CSMD1: variants seen among roughly 807,000 people sequenced by gnomAD.
The protein encoded by CSMD1 is CUB and Sushi multiple domains 1.
Under a neutral mutation model 417.5 loss-of-function variants are expected in CSMD1, and 213 were observed. That is an observed-to-expected ratio of 0.51 (90% CI 0.46 to 0.57). CSMD1 has a LOEUF of 0.57. Ranked by LOEUF, CSMD1 falls within the 20% of genes least tolerant of loss-of-function variation. The pLI is 0.00. For missense variants in CSMD1, 6,923 were observed against 4,529.7 expected, an observed-to-expected ratio of 1.53 and a Z score of -15.17; for synonymous variants, 2,862 against 1,736.8, an observed-to-expected ratio of 1.65 and a Z score of -16.11.
rs574439632 is a variant in CSMD1 at position 4,774,756 on chromosome 8, C to A, written c.86-137198G>T. On this transcript the variant is annotated intron_variant, in intron 1 of 69. Coordinates refer to ENST00000635120, the MANE Select transcript of CSMD1 (RefSeq NM_033225.6). ...GTTGCTATTCTCATAACAGACTTCC[C>A]AGGAGACCTTGTTGTTTAAAAGCCT... 3.3e-5 allele frequency among the ~76,000 whole-genome samples: 5 copies of A among 152,220 alleles called. No individual in the cohort carries two copies. The South Asian group carries it at 1.0e-3, about 32-fold the overall frequency.
intron 3 of CSMD1, among the ~76,000 whole-genome samples, chr8:4,083,800 A>G (rs551007988): frequency 3.3e-5 from 5 of 152,214 alleles, no homozygotes; most frequent in Non-Finnish European, 7.4e-5. Flanking sequence ...TCATGTCTAT[A>G]ACACCAAAAG....
chr8:3,995,335 C>G (rs554756064), intron 5 of CSMD1, among the ~76,000 whole-genome samples: 2 of 152,142 alleles, frequency 1.3e-5, no homozygotes, highest in Non-Finnish European at 2.9e-5. Flanking sequence ...TGTTAAGATA[C>G]TTCTTTTGAC....
chr8:3,470,847 A>G (rs765562667), intron 11 of CSMD1, among the ~76,000 whole-genome samples: 2 of 152,204 alleles, frequency 1.3e-5, no homozygotes, highest in African/African-American at 4.8e-5. Flanking sequence ...TGTTTATACC[A>G]ATAGTTTGTT....
At chr8:4,439,734 G>A (rs1048527761) in intron 2 of CSMD1, among the ~76,000 whole-genome samples, 4 of 152,110 alleles carry the variant, frequency 2.6e-5, no homozygotes, top group Non-Finnish European at 4.4e-5. Flanking sequence ...AGTAAATAGA[G>A]AACATAAATC....
At chr8:3,114,119 C>G (rs1042699368) in intron 42 of CSMD1, among the ~76,000 whole-genome samples, 29 of 152,222 alleles carry the variant, frequency 1.9e-4, no homozygotes, top group African/African-American at 5.1e-4. Flanking sequence ...GAGCACATGC[C>G]TGTGGTCCTA....
intron 41 of CSMD1, among the ~76,000 whole-genome samples, 197 bp from the exon 42 acceptor site, chr8:3,118,784 C>T (rs1034491755): frequency 3.3e-5 from 5 of 152,128 alleles, no homozygotes; most frequent in East Asian, 1.9e-4. Flanking sequence ...TAACCATATG[C>T]ATTTAATAAA....
intron 3 of CSMD1, among the ~76,000 whole-genome samples, chr8:4,281,101 G>T (rs1273499496): frequency 2.6e-5 from 4 of 152,212 alleles, no homozygotes; most frequent in Admixed American, 2.0e-4. Flanking sequence ...GTACCAGGAT[G>T]GTATGAGGCC....
intron 3 of CSMD1, among the ~76,000 whole-genome samples, chr8:4,237,210 A>C (rs1369995468): frequency 6.6e-6 from 1 of 152,174 alleles, no homozygotes; most frequent in Non-Finnish European, 1.5e-5. Context: ...TTTGCAAATC[A>C]ATTGTTTAAT....
In CSMD1 at chr8:3,468,731, C is replaced by T. The variant is rs767050834; in HGVS notation, c.1542G>A (p.Gly514=). ...LQSDDSIGSP[G]FKAVYQEIEK... is the part of the protein sequence containing the mutation. ...TCATACCTTGGTAAACAGCTTTAAACCCAGGTGAGCCAATGCTATCATCCG... is the reference window on the plus strand; with the variant it reads ...TCATACCTTGGTAAACAGCTTTAAATCCAGGTGAGCCAATGCTATCATCCG... The change falls in exon 12 of 70, where the codon GGG becomes GGA. Residue 514 remains glycine (G), a synonymous_variant. Transcript: ENST00000635120. 5.0e-6 allele frequency: 8 copies of T among 1,603,854 alleles called. No homozygotes were observed. Among genetic ancestry groups the T allele is most frequent in the Non-Finnish European group, 6.8e-6 (8 of 1,175,126 alleles).
intron 33 of CSMD1, 127 bp downstream of exon 33, chr8:3,199,587 C>G: frequency 2.4e-6 from 1 of 423,742 alleles, no homozygotes; most frequent in Non-Finnish European, 4.2e-6. Context: ...CATATGAACA[C>G]CTTCAGCTCC....
chr8:4,873,112 G>C (rs776484293), intron 1 of CSMD1, among the ~76,000 whole-genome samples: 1 of 151,906 alleles, frequency 6.6e-6, no homozygotes, highest in Non-Finnish European at 1.5e-5. Flanking sequence ...CCAAAATGAA[G>C]GTATATAACA....
intron 3 of CSMD1, among the ~76,000 whole-genome samples, chr8:4,233,019 C>T (rs1646704079): frequency 6.6e-6 from 1 of 152,100 alleles, no homozygotes; most frequent in South Asian, 2.1e-4. Context: ...TGTCTACATG[C>T]ACCTGCAGAT....
rs1371674228 is a variant in CSMD1, at chr8:3,737,494, TTC to T, written c.931+16434_931+16435del. On this transcript the variant is annotated intron_variant, in intron 6 of 69. Transcript: ENST00000635120. Reference sequence around the variant, plus strand: ...ATCATCTTGCTCTCTGTTGAAAAATTTCTCTGTTGAACATTTTTTACTTACAC... The same window carrying T: ...ATCATCTTGCTCTCTGTTGAAAAATTTCTGTTGAACATTTTTTACTTACAC... 1.1e-4 allele frequency among the ~76,000 whole-genome samples: 17 copies of T among 152,244 alleles called. 1 individual carries two copies. The highest frequency in any genetic ancestry group is 8.5e-4 in the Admixed American group (13 of 15,280).
chr8:3,297,725 G>A (rs1309430185), intron 25 of CSMD1, among the ~76,000 whole-genome samples: 1 of 152,156 alleles, frequency 6.6e-6, no homozygotes, highest in Non-Finnish European at 1.5e-5. Context: ...GATAATATTT[G>A]TATAGCTTTG....
At chr8:4,775,554 T>C (rs781247256) in intron 1 of CSMD1, among the ~76,000 whole-genome samples, 24 of 152,158 alleles carry the variant, frequency 1.6e-4, no homozygotes, top group Non-Finnish European at 2.2e-4. Flanking sequence ...GTAACAAATA[T>C]GATTTATTTA....
At chr8:4,259,423 A>C (rs899242593) in intron 3 of CSMD1, among the ~76,000 whole-genome samples, 3 of 152,280 alleles carry the variant, frequency 2.0e-5, no homozygotes, top group Admixed American at 1.3e-4. Flanking sequence ...TCATAATTAT[A>C]CCAGGACCCA....
At chr8:3,808,791 G>A (rs750616367) in intron 5 of CSMD1, among the ~76,000 whole-genome samples, 7 of 152,156 alleles carry the variant, frequency 4.6e-5, no homozygotes, top group Non-Finnish European at 8.8e-5. Flanking sequence ...TCTCGGAATT[G>A]GAAAATTTCA....
intron 1 of CSMD1, among the ~76,000 whole-genome samples, chr8:4,884,788 G>A (rs1239650116): frequency 1.3e-5 from 2 of 152,072 alleles, no homozygotes; most frequent in Admixed American, 1.3e-4. Flanking sequence ...AATAAGATTT[G>A]GGAAGCATGA....
At chr8:3,575,645 T>G (rs1800120735) in intron 9 of CSMD1, among the ~76,000 whole-genome samples, 1 of 152,130 alleles carries the variant, frequency 6.6e-6, no homozygotes, top group East Asian at 1.9e-4. Flanking sequence ...TACCAATTTC[T>G]TTACAGCACA....
Sources: gnomAD v4.1 joint callset for allele counts (sites outside exome capture counted in the v4.1 genomes callset) on GRCh38, gnomAD v4.1.1 for gene constraint, MANE v1.5 for transcripts, NCBI Gene and HGNC (gene_info 2026-07-23, HGNC 2026-07-21) for gene names.